The following ZSCAN25 variants were observed in gnomAD, a reference collection of about 807,000 sequenced individuals.
The protein encoded by ZSCAN25 is zinc finger and SCAN domain-containing protein 25.
ZSCAN25 carries 27 observed loss-of-function variants against 38.7 expected under a neutral mutation model. That is an observed-to-expected ratio of 0.70 (90% CI 0.51 to 0.96). The LOEUF is 0.96. Among genes scored for constraint, ZSCAN25 ranks in the 40% least tolerant of loss-of-function variants. ZSCAN25 has a pLI of 0.00. For synonymous variants in ZSCAN25, 273 were observed against 277.7 expected, an observed-to-expected ratio of 0.98 and a Z score of 0.17; for missense variants, 637 against 705.9, an observed-to-expected ratio of 0.90 and a Z score of 1.11.
chr7:99,708,628 G>C, the ZSCAN25 span, among the ~76,000 whole-genome samples: 1 of 152,064 alleles, frequency 6.6e-6, no homozygotes, highest in African/African-American at 2.4e-5. Context: ...TCTATCTGTT[G>C]CACTAACCTA....
At chr7:99,648,651 C>G in the ZSCAN25 span, among the ~76,000 whole-genome samples, 1 of 149,956 alleles carries the variant, frequency 6.7e-6, no homozygotes, top group Non-Finnish European at 1.5e-5. Context: ...GAGACAAATT[C>G]TTGTGGACTC....
intron 5 of ZSCAN25, chr7:99,621,875 TCAG>T (rs1247070308): frequency 3.8e-6 from 1 of 262,166 alleles, no homozygotes; most frequent in Non-Finnish European, 7.1e-6. Context: ...GAATACTTTT[TCAG>T]TAGGCAGATA....
At chr7:99,725,476 C>T in the ZSCAN25 span, among the ~76,000 whole-genome samples, 1 of 152,224 alleles carries the variant, frequency 6.6e-6, no homozygotes, top group Non-Finnish European at 1.5e-5. Context: ...CATACAAAAC[C>T]TTCAGAACAT....
At chr7:99,639,070 G>A in the ZSCAN25 span, among the ~76,000 whole-genome samples, 7 of 152,212 alleles carry the variant, frequency 4.6e-5, no homozygotes, top group Non-Finnish European at 8.8e-5. Context: ...AGCAATCCTG[G>A]CCTCAACCTA....
the ZSCAN25 span, among the ~76,000 whole-genome samples, chr7:99,691,449 A>G: frequency 6.6e-6 from 1 of 151,492 alleles, no homozygotes; most frequent in Non-Finnish European, 1.5e-5. Context: ...ATAATAAAAT[A>G]AAATAAACCT....
the ZSCAN25 span, chr7:99,663,619 T>A: frequency 1.0e-6 from 1 of 1,001,036 alleles, no homozygotes; most frequent in African/African-American, 1.7e-5. Flanking sequence ...TTTACCAATC[T>A]GTGATATGAG....
chr7:99,624,108 A>G lies in ZSCAN25; in HGVS notation c.733A>G (p.Arg245Gly), dbSNP rs201287330. 108 of 1,614,100 alleles carry G rather than the reference A, an allele frequency of 6.7e-5. No homozygotes were observed. In the East Asian group the frequency reaches 2.4e-3, roughly 36 times the overall value. ...CCTGGCCTTCCCTGAGGAGGAGTGG[A>G]GGCATGTGACCCCAGCCCAGATAGA... Reference protein sequence around the residue: ...MALAFPEEEWRHVTPAQIDCF... With the variant: ...MALAFPEEEWGHVTPAQIDCF... The change falls in exon 7 of 8, where the codon AGG becomes GGG. Residue 245 changes from arginine (R) to glycine (G), a missense_variant. Physicochemically the swap from Arg to Gly is moderately radical, Grantham distance 125. Coordinates refer to ENST00000394152, the MANE Select transcript of ZSCAN25 (RefSeq NM_145115.3).
chr7:99,649,139 G>T, the ZSCAN25 span, among the ~76,000 whole-genome samples: 1 of 152,148 alleles, frequency 6.6e-6, no homozygotes, highest in African/African-American at 2.4e-5. Flanking sequence ...TGAGATGCCT[G>T]AGAGCTTGCC....
the ZSCAN25 span, among the ~76,000 whole-genome samples, chr7:99,723,778 C>A: frequency 6.6e-6 from 1 of 152,148 alleles, no homozygotes; most frequent in African/African-American, 2.4e-5. Context: ...TCAATCTCTC[C>A]CTTCCTTAAT....
chr7:99,713,618 C>T, the ZSCAN25 span: 3 of 1,593,556 alleles, frequency 1.9e-6, no homozygotes, highest in African/African-American at 2.7e-5. Flanking sequence ...CTCAACCTCC[C>T]TTCTGAGAAT....
downstream of ZSCAN25, among the ~76,000 whole-genome samples, chr7:99,637,132 TAATC>T (rs1348676140): frequency 3.3e-5 from 5 of 152,228 alleles, no homozygotes; most frequent in African/African-American, 1.2e-4. Flanking sequence ...AGCTTCAGCT[TAATC>T]AGTTGCTATA....
chr7:99,669,399 G>A, the ZSCAN25 span, among the ~76,000 whole-genome samples: 3,373 of 152,232 alleles, frequency 0.022, 62 homozygotes, highest in Non-Finnish European at 0.032. Context: ...GGACTCAATC[G>A]TAAGGTAAAA....
At chr7:99,680,162 G>C in the ZSCAN25 span, 8 of 422,484 alleles carry the variant, frequency 1.9e-5, no homozygotes, top group African/African-American at 1.2e-4. Flanking sequence ...GGAGTCCAAG[G>C]GTTCTGGGTT....
the ZSCAN25 span, chr7:99,663,903 C>T: frequency 1.3e-6 from 2 of 1,524,116 alleles, no homozygotes. Flanking sequence ...CATGCTCTAT[C>T]ATGTGTATAA....
At chr7:99,686,344 C>T in the ZSCAN25 span, among the ~76,000 whole-genome samples, 1 of 152,200 alleles carries the variant, frequency 6.6e-6, no homozygotes, top group African/African-American at 2.4e-5. Flanking sequence ...AAAAACGGCA[C>T]ACCAGGAGAT....
the ZSCAN25 span, chr7:99,715,848 C>T: frequency 4.3e-6 from 7 of 1,613,722 alleles, no homozygotes; most frequent in Admixed American, 1.7e-5. Flanking sequence ...TTGAGAGAGT[C>T]GATGCTCACT....
chr7:99,720,486 G>C, the ZSCAN25 span: 2 of 1,538,740 alleles, frequency 1.3e-6, no homozygotes, highest in African/African-American at 2.7e-5. Context: ...CAGGAAGCCA[G>C]ACTTTGATCC....
the ZSCAN25 span, among the ~76,000 whole-genome samples, chr7:99,697,404 T>A: frequency 2.8e-3 from 419 of 152,280 alleles, 2 homozygotes; most frequent in Middle Eastern, 0.01. Context: ...CAACCGTGAA[T>A]CTGCTAGTCC....
chr7:99,655,802 G>C, the ZSCAN25 span, among the ~76,000 whole-genome samples: 1 of 152,158 alleles, frequency 6.6e-6, no homozygotes, highest in Non-Finnish European at 1.5e-5. Context: ...CACATCCCTT[G>C]TAAGTTGAAT....
Sources: gnomAD v4.1 joint callset for allele counts (sites outside exome capture counted in the v4.1 genomes callset) on GRCh38, gnomAD v4.1.1 for gene constraint, MANE v1.5 for transcripts, NCBI Gene and HGNC (gene_info 2026-07-23, HGNC 2026-07-21) for gene names.